The following DENND1C variants were observed in gnomAD, a reference collection of about 807,000 sequenced individuals.
DENND1C encodes DENN domain-containing protein 1C.
Under a neutral mutation model 87.9 loss-of-function variants are expected in DENND1C, and 64 were observed. The observed-to-expected ratio is 0.73, with a 90% CI of 0.60 to 0.90. The LOEUF (loss-of-function observed/expected upper bound fraction) is 0.90, where lower values mean the gene tolerates loss of function less well. Ranked by LOEUF, DENND1C falls within the 40% of genes least tolerant of loss-of-function variation. The pLI, the probability that DENND1C is intolerant of heterozygous loss-of-function variation, is 0.00. For missense variants in DENND1C, 980 were observed against 1,037.0 expected (o/e 0.95, Z 0.76); for synonymous variants, 384 against 424.4 (o/e 0.90, Z 1.17).
At chr19:6,480,255 G>A in intron 1 of DENND1C, 1 of 1,441,026 alleles carries the variant, frequency 6.9e-7, no homozygotes, top group Non-Finnish European at 9.1e-7. Flanking sequence ...GTACAGGATG[G>A]AGTGAGAAAG....
Position 6,475,909 on chromosome 19 carries a change from G to T in DENND1C, c.707C>A (p.Ala236Glu). The T allele has an allele frequency of 6.4e-7, 1 of 1,569,522 alleles. No individual in the cohort carries two copies. Among genetic ancestry groups the T allele is most frequent in the Non-Finnish European group, 8.6e-7 (1 of 1,166,228 alleles). Residue 236 changes from alanine (A) to glutamate (E), a missense_variant, in exon 11 of 23, where the codon GCG becomes GAG. Ala to Glu is a moderately radical substitution (Grantham distance 107, BLOSUM62 -1). Transcript: ENST00000381480. ...TLTSCVHASC[A>E]LLYPMRWEHV... ...CTCCCAGCGCATGGGGTACAGGAGC[G>T]CGCAGGACGCGTGGACGCACGAGGT...
rs200946103 is a variant in DENND1C, at chr19:6,470,255, C to T, written c.1362+40G>A. 2.9e-4 allele frequency: 465 copies of T among 1,579,196 alleles called. 2 individuals carry two copies. The East Asian group carries it at 8.3e-3, about 28-fold the overall frequency. On this transcript the variant is annotated intron_variant, in intron 18 of 22. Transcript: ENST00000381480. ...AAAGTGTCCTCTGTCCCCTCCCCCT[C>T]GTCACCCCAGCAAGAGTGGCCTGTC...
chr19:6,475,720 C>A lies in DENND1C; in HGVS notation c.811G>T (p.Ala271Ser). ...APMPYLIGVHASLAERVREKA... is the reference protein window; with the variant it reads ...APMPYLIGVHSSLAERVREKA... Reference sequence around the variant, plus strand: ...TCCACGCTCACCTCGGCGAGACTGGCGTGCACTCCAATGAGGTAGGGCATG... The same window carrying A: ...TCCACGCTCACCTCGGCGAGACTGGAGTGCACTCCAATGAGGTAGGGCATG... The change falls in exon 12 of 23, where the codon GCC becomes TCC. Residue 271 changes from alanine (A) to serine (S), a missense_variant. Ala to Ser is a moderately conservative substitution (Grantham distance 99). Coordinates refer to ENST00000381480, the MANE Select transcript of DENND1C (RefSeq NM_024898.4). 1.3e-6 allele frequency: 2 copies of A among 1,584,016 alleles called. No individual in the cohort carries two copies. Among genetic ancestry groups the A allele is most frequent in the Non-Finnish European group, 1.7e-6 (2 of 1,164,514 alleles).
At chr19:6,471,047 T>C (rs1039832732) in intron 17 of DENND1C, among the ~76,000 whole-genome samples, 3 of 151,368 alleles carry the variant, frequency 2.0e-5, no homozygotes, top group African/African-American at 7.3e-5. Context: ...CTCCACCTCC[T>C]GGGGCTCAAG....
chr19:6,468,690 G>A (rs756305428), intron 20 of DENND1C, 45 bp from the exon 21 acceptor site: 273 of 1,424,592 alleles, frequency 1.9e-4, no homozygotes, highest in Non-Finnish European at 2.2e-4. Flanking sequence ...CTGCAGAATC[G>A]GGGGGCTGAG....
intron 18 of DENND1C, 142 bp from the exon 19 acceptor site, chr19:6,469,782 A>G: frequency 2.5e-6 from 2 of 786,904 alleles, no homozygotes; most frequent in Admixed American, 2.4e-5. Flanking sequence ...TACACCACCT[A>G]AGAAGTCAAT....
chr19:6,476,736 C>T, intron 10 of DENND1C, 121 bp downstream of exon 10: 1 of 1,024,126 alleles, frequency 9.8e-7, no homozygotes. Flanking sequence ...AGGGGCGGGG[C>T]CAGGACTTCG....
At chr19:6,470,064 G>T in intron 18 of DENND1C, 1 of 525,408 alleles carries the variant, frequency 1.9e-6, no homozygotes, top group East Asian at 3.1e-5. Context: ...AGGGGCCGTG[G>T]GCGGGGCGGA....
chr19:6,473,182 G>T (rs987199881), intron 14 of DENND1C, among the ~76,000 whole-genome samples, 189 bp from the exon 15 acceptor site: 3 of 152,232 alleles, frequency 2.0e-5, no homozygotes, highest in African/African-American at 7.2e-5. Flanking sequence ...TTGAGACGGA[G>T]TCTCGCTCTG....
chr19:6,473,088 T>C (rs989015285), intron 14 of DENND1C, 95 bp from the exon 15 acceptor site: 1 of 908,606 alleles, frequency 1.1e-6, no homozygotes, highest in East Asian at 3.1e-5. Flanking sequence ...ATTAGGCACT[T>C]GCTGTGTGTC....
At chr19:6,479,934 G>T (rs374238016) in intron 2 of DENND1C, 32 bp from the exon 3 acceptor site, 46 of 1,595,030 alleles carry the variant, frequency 2.9e-5, no homozygotes, top group Non-Finnish European at 3.5e-5. Context: ...TAAGTTCAGC[G>T]ACCCAGGCCC....
intron 6 of DENND1C, among the ~76,000 whole-genome samples, chr19:6,478,421 T>A (rs1176844314): frequency 6.6e-6 from 1 of 150,534 alleles, no homozygotes; most frequent in Admixed American, 6.6e-5. Context: ...TTTTTTTTTT[T>A]TTTTTTGTAT....
Position 6,471,498 on chromosome 19 carries a change from T to A in DENND1C, c.1159-2A>T. ...CTTCTCCAGCCGGGCTTCGATGAAC[T>A]GGGGTGGGGGACAGTAAATCAGAAA... On this transcript the variant is annotated splice_acceptor_variant, in intron 15 of 22. Transcript: ENST00000381480. LOFTEE classifies it high-confidence loss of function. The A allele has an allele frequency of 6.4e-7, 1 of 1,553,370 alleles. No homozygotes were observed. The highest frequency in any genetic ancestry group is 8.7e-7 in the Non-Finnish European group (1 of 1,148,178).
intron 14 of DENND1C, among the ~76,000 whole-genome samples, chr19:6,473,789 C>T (rs1008571933): frequency 1.2e-3 from 9 of 7,730 alleles, no homozygotes; most frequent in Non-Finnish European, 1.5e-3. Flanking sequence ...GGTGGAAGCC[C>T]GGGAGGGGTG....
rs1298868459 is a variant in DENND1C, at chr19:6,470,197, G to T, written c.1362+98C>A. ...TAAATCATTTGTGTTTAAAGTGTCT[G>T]CCAGGGTCAAAATACTCCATCCTTG... On this transcript the variant is annotated intron_variant, in intron 18 of 22. Transcript: ENST00000381480. The T allele has an allele frequency of 3.3e-6, 4 of 1,226,122 alleles. No homozygotes were observed. The East Asian group carries it at 1.0e-4, about 31-fold the overall frequency. The allele number at this position is 1,226,122 out of a possible 1,614,324, so 76.0% of individuals were successfully genotyped here. A position where few individuals can be genotyped will look rare whatever the true frequency, so the allele number is the denominator to read the frequency against.
intron 6 of DENND1C, among the ~76,000 whole-genome samples, chr19:6,478,240 A>AATTTTTTATTTTT (rs988539430): frequency 6.6e-6 from 1 of 151,682 alleles, no homozygotes; most frequent in Non-Finnish European, 1.5e-5. Context: ...ACGCCTGGCT[A>AATTTTTTATTTTT]ATTTTTTATT....
chr19:6,480,462 C>A (rs72985391), intron 1 of DENND1C: 124,729 of 977,688 alleles, frequency 0.13, 8,460 homozygotes, highest in East Asian at 0.45. Flanking sequence ...ATCTCTCTCT[C>A]TCTATATATA....
At position 6,479,689 on chromosome 19, in the gene DENND1C, G is replaced by A; in HGVS notation, c.156C>T (p.Cys52=). 6.2e-7 allele frequency: 1 copy of A among 1,613,920 alleles called. No individual in the cohort carries two copies. The highest frequency in any genetic ancestry group is 8.5e-7 in the Non-Finnish European group (1 of 1,179,850). ...CGTACCTTTCCACATCAAAAGGGAA[G>A]CAGAATTTAGGCACCATCTGCATAG... ...QEAMQMVPKF[C]FPFDVEREPP... The change falls in exon 4 of 23, where the codon TGC becomes TGT. Residue 52 remains cysteine, a synonymous_variant. Coordinates refer to ENST00000381480, the MANE Select transcript of DENND1C (RefSeq NM_024898.4).
chr19:6,480,561 C>CCTATCCATCCACCCACCTATCTATCTAT (rs1913496891), intron 1 of DENND1C: 1 of 125,044 alleles, frequency 8.0e-6, no homozygotes, highest in African/African-American at 3.7e-5. Flanking sequence ...CACCCACCCA[C>CCTATCCATCCACCCACCTATCTATCTAT]CTATCTATCT....
Sources: allele counts gnomAD v4.1 joint callset (sites outside exome capture counted in the v4.1 genomes callset), GRCh38; gene constraint gnomAD v4.1.1; transcripts MANE v1.5; gene names NCBI Gene and HGNC (gene_info 2026-07-23, HGNC 2026-07-21).